The following POM121C variants were observed in gnomAD, a reference collection of about 807,000 sequenced individuals.
POM121C encodes the protein POM121 transmembrane nucleoporin C, also known as nuclear envelope pore membrane protein POM 121C.
A neutral mutation model predicts 66.4 loss-of-function variants in POM121C; 20 were observed. The ratio of observed to expected loss-of-function variants is 0.30; its 90% CI spans 0.21 to 0.44. POM121C has a LOEUF of 0.44. Among genes scored for constraint, POM121C ranks in the 20% least tolerant of loss-of-function variants. The pLI is 1.00. For synonymous variants in POM121C, 286 were observed against 528.0 expected (o/e 0.54, Z 6.28); for missense variants, 580 against 1,225.7 (o/e 0.47, Z 7.87).
In POM121C at chr7:75,433,234, CAAAAAAAAAAAAA is replaced by C. The variant is rs782004307; in HGVS notation, c.480+4268_480+4280del. On this transcript the variant is annotated intron_variant, in intron 7 of 14. Coordinates refer to ENST00000615331, the MANE Select transcript of POM121C (RefSeq NM_001099415.3). ...CCAGCGACAGTGTGAGACTCTGTCT[CAAAAAAAAAAAAA>C]AAAAAAAAAAAAAGAATGTACAGTA... 6.8e-5 allele frequency among the ~76,000 whole-genome samples: 3 copies of C among 44,250 alleles called. 1 individual carries two copies. The highest frequency in any genetic ancestry group is 2.6e-3 in the South Asian group (2 of 770). The allele number at this position is 44,250 out of a possible 152,430, so 29.0% of individuals were successfully genotyped here.
At chr7:75,463,699 T>C (rs1449783718) in intron 3 of POM121C, among the ~76,000 whole-genome samples, 1 of 152,092 alleles carries the variant, frequency 6.6e-6, no homozygotes, top group Non-Finnish European at 1.5e-5. Flanking sequence ...AAATGTCTGA[T>C]TTCCTTTTTT....
chr7:75,458,224 CTG>C (rs1791313452), intron 3 of POM121C, among the ~76,000 whole-genome samples: 1 of 151,876 alleles, frequency 6.6e-6, no homozygotes, highest in East Asian at 1.9e-4. Flanking sequence ...GTGGAATACT[CTG>C]AGGTTTCAAA....
chr7:75,474,410 AAAC>A (rs1791996918), intron 3 of POM121C, among the ~76,000 whole-genome samples: 2 of 152,310 alleles, frequency 1.3e-5, no homozygotes, highest in Admixed American at 1.3e-4. Context: ...CCAAACAAAA[AAAC>A]AAACAGCCCA....
At chr7:75,473,504 T>A (rs1791948816) in intron 3 of POM121C, among the ~76,000 whole-genome samples, 1 of 152,012 alleles carries the variant, frequency 6.6e-6, no homozygotes, top group Non-Finnish European at 1.5e-5. Flanking sequence ...AGGGGAAAGC[T>A]GAGGGAGCGC....
intron 6 of POM121C, among the ~76,000 whole-genome samples, chr7:75,438,609 G>C (rs11770961): frequency 4.7e-4 from 71 of 152,356 alleles, no homozygotes; most frequent in Admixed American, 9.8e-4. Flanking sequence ...TCCACGGACA[G>C]TGAGCAGAAC....
rs782450718 is a variant in POM121C at position 75,424,655 on chromosome 7, G to A, written c.769-27C>T. ...TACCAAAGAGAAAAAGAAGAAGTCA[G>A]GCCAATCAGAAAAAACGGGAAGGCT... On this transcript the variant is annotated intron_variant, in intron 10 of 14. Coordinates refer to ENST00000615331, the MANE Select transcript of POM121C (RefSeq NM_001099415.3). The A allele has an allele frequency of 3.1e-6, 5 of 1,612,724 alleles. No homozygotes were observed. The South Asian group carries it at 5.5e-5, about 18-fold the overall frequency.
intron 3 of POM121C, among the ~76,000 whole-genome samples, chr7:75,468,061 G>A (rs1447565649): frequency 2.1e-5 from 3 of 142,606 alleles, no homozygotes; most frequent in African/African-American, 7.6e-5. Context: ...GAACTGAGGA[G>A]GCAGAAGTTG....
intron 4 of POM121C, 133 bp from the exon 5 acceptor site, chr7:75,441,248 G>A (rs1790636364): frequency 2.1e-6 from 3 of 1,439,554 alleles, no homozygotes; most frequent in Non-Finnish European, 2.8e-6. Context: ...AGCAAGTAAA[G>A]CTACTTTTTC....
rs1355824066 is a variant in POM121C at position 75,418,949 on chromosome 7, T to C, written c.2867-56A>G. On this transcript the variant is annotated intron_variant, in intron 14 of 14. Coordinates refer to ENST00000615331, the MANE Select transcript of POM121C (RefSeq NM_001099415.3). ...CAGCTGCTACCTGAGACTCTGGCTC[T>C]GGGTGCCCAAATCTCTGGAAGGCCA... 5.9e-6 allele frequency: 9 copies of C among 1,528,584 alleles called. No homozygotes were observed. The African/African-American group carries it at 9.8e-5, about 17-fold the overall frequency. The allele number at this position is 1,528,584 out of a possible 1,614,324, so 94.7% of individuals were successfully genotyped here.
chr7:75,447,805 C>T (rs1584682410), intron 3 of POM121C, among the ~76,000 whole-genome samples: 3 of 151,720 alleles, frequency 2.0e-5, no homozygotes, highest in Admixed American at 6.6e-5. Flanking sequence ...AGGCGGATCA[C>T]GAGGTCAGGA....
chr7:75,449,606 T>G (rs1227844243), intron 3 of POM121C, among the ~76,000 whole-genome samples: 14 of 152,148 alleles, frequency 9.2e-5, no homozygotes, highest in Non-Finnish European at 1.9e-4. Flanking sequence ...GACCTCGTGT[T>G]CCACCCACCC....
chr7:75,456,821 C>G (rs2116465417), intron 3 of POM121C, among the ~76,000 whole-genome samples: 1 of 152,260 alleles, frequency 6.6e-6, no homozygotes, highest in East Asian at 1.9e-4. Context: ...CATTACATTT[C>G]TCTTCTAATT....
intron 3 of POM121C, among the ~76,000 whole-genome samples, chr7:75,457,150 AAAATAAATAAATAAATAAATAAAT>A (rs71305122): frequency 1.0e-3 from 128 of 123,978 alleles, no homozygotes; most frequent in African/African-American, 2.9e-3. Context: ...ATTTCAATTA[AAAATAAATAAATAAATAAATAAAT>A]AAATAAATAA....
At chr7:75,462,068 TC>T (rs1215333176) in intron 3 of POM121C, among the ~76,000 whole-genome samples, 1 of 145,912 alleles carries the variant, frequency 6.9e-6, no homozygotes, top group East Asian at 1.9e-4. Flanking sequence ...AATAACCAGA[TC>T]ATCTGATGTG....
intron 3 of POM121C, among the ~76,000 whole-genome samples, chr7:75,469,531 A>G (rs1791794581): frequency 6.6e-6 from 1 of 152,162 alleles, no homozygotes; most frequent in Non-Finnish European, 1.5e-5. Context: ...GAGTTCTCCT[A>G]TGAACTGTTC....
chr7:75,484,662 C>CAAAAAAA lies in POM121C; in HGVS notation c.-458+1195_-458+1201dup, dbSNP rs10690558. ...CCAGACTGGGTGAGAGACACTGTCTCAAAAAAAAAAAAAAAAAAAAAAAGA... is the reference window on the plus strand; with the variant it reads ...CCAGACTGGGTGAGAGACACTGTCTCAAAAAAAAAAAAAAAAAAAAAAAAAAAAAAGA... On this transcript the variant is annotated intron_variant, in intron 1 of 14. Coordinates refer to ENST00000615331, the MANE Select transcript of POM121C (RefSeq NM_001099415.3). Among the ~76,000 whole-genome samples the CAAAAAAA allele has an allele frequency of 9.2e-4, 45 of 48,658 alleles. 1 individual carries two copies. Among genetic ancestry groups the CAAAAAAA allele is most frequent in the Non-Finnish European group, 1.2e-3 (32 of 27,668 alleles). The allele number at this position is 48,658 out of a possible 152,430, so 31.9% of individuals were successfully genotyped here. A position where few individuals can be genotyped will look rare whatever the true frequency, so the allele number is the denominator to read the frequency against.
chr7:75,436,314 A>G (rs1412345987), intron 7 of POM121C, among the ~76,000 whole-genome samples: 2 of 152,208 alleles, frequency 1.3e-5, no homozygotes, highest in African/African-American at 4.8e-5. Context: ...AACCAACTTC[A>G]GTATAGGCTA....
chr7:75,472,136 T>A (rs1240678404), intron 3 of POM121C, among the ~76,000 whole-genome samples: 5 of 151,798 alleles, frequency 3.3e-5, no homozygotes, highest in African/African-American at 1.2e-4. Context: ...TCCGCCCACC[T>A]CGGCCTCCCA....
At chr7:75,475,869 C>T (rs1425231914) in intron 1 of POM121C, among the ~76,000 whole-genome samples, 4 of 152,226 alleles carry the variant, frequency 2.6e-5, no homozygotes, top group South Asian at 2.1e-4. Flanking sequence ...TTAGGCTTCA[C>T]AGACTCAGTT....
Sources: allele counts gnomAD v4.1 joint callset (sites outside exome capture counted in the v4.1 genomes callset), GRCh38; gene constraint gnomAD v4.1.1; transcripts MANE v1.5; gene names NCBI Gene and HGNC (gene_info 2026-07-23, HGNC 2026-07-21).